CNTN3: variants seen among roughly 807,000 people sequenced by gnomAD.
The protein encoded by CNTN3 is contactin 3.
A neutral mutation model predicts 119.1 loss-of-function variants in CNTN3; 60 were observed. That is an observed-to-expected ratio of 0.50 (90% CI 0.41 to 0.62). CNTN3 has a LOEUF of 0.62. Ranked by LOEUF, CNTN3 falls within the 20% of genes least tolerant of loss-of-function variation. The pLI, the probability that CNTN3 is intolerant of heterozygous loss-of-function variation, is 0.00. For synonymous variants in CNTN3, 450 were observed against 438.7 expected (o/e 1.03, Z -0.32); for missense variants, 1,101 against 1,242.4 (o/e 0.89, Z 1.71).
chr3:74,486,467 A>C lies in CNTN3; in HGVS notation c.347T>G (p.Leu116Arg). 1 of 1,599,986 alleles carries C rather than the reference A, an allele frequency of 6.3e-7. No individual in the cohort carries two copies. The highest frequency in any genetic ancestry group is 8.5e-7 in the Non-Finnish European group (1 of 1,176,764). The change falls in exon 4 of 23, where the codon CTT becomes CGT. Residue 116 changes from leucine (L) to arginine (R), a missense_variant. Transcript: ENST00000263665. Reference protein sequence around the residue: ...LGTIVSREAKLQFAYLENFKT... With the variant: ...LGTIVSREAKRQFAYLENFKT... ...GAACATAAACTTACAGGCAAACTGA[A>C]GTTTGGCTTCTCTGCTGACAATTGT...
intron 4 of CNTN3, among the ~76,000 whole-genome samples, chr3:74,480,768 A>G (rs537778165): frequency 1.6e-4 from 24 of 152,114 alleles, no homozygotes; most frequent in African/African-American, 5.8e-4. Context: ...TTCAGCAAAA[A>G]TAGTATAGGG....
chr3:74,379,479 G>A (rs1387870928), intron 5 of CNTN3, among the ~76,000 whole-genome samples: 1 of 152,090 alleles, frequency 6.6e-6, no homozygotes, highest in African/African-American at 2.4e-5. Flanking sequence ...TGGTGCCACG[G>A]CTGCTGCTAT....
chr3:74,334,711 T>C (rs1703345823), intron 13 of CNTN3, 24 bp downstream of exon 13: 4 of 1,603,160 alleles, frequency 2.5e-6, no homozygotes, highest in East Asian at 2.2e-5. Context: ...ATATAAAAAG[T>C]ATGAGGAAAG....
intron 2 of CNTN3, among the ~76,000 whole-genome samples, chr3:74,516,944 C>G (rs1703460586): frequency 6.6e-6 from 1 of 151,898 alleles, no homozygotes; most frequent in South Asian, 2.1e-4. Flanking sequence ...AACCTCTGGC[C>G]TATAGACCTC....
At chr3:74,557,963 G>T (rs962710794) in intron 1 of CNTN3, among the ~76,000 whole-genome samples, 2 of 152,110 alleles carry the variant, frequency 1.3e-5, no homozygotes, top group Non-Finnish European at 2.9e-5. Context: ...ACAAGGGGTG[G>T]ACTGTAATAG....
At chr3:74,274,474 T>C (rs1237182523) in intron 20 of CNTN3, among the ~76,000 whole-genome samples, 44 of 152,116 alleles carry the variant, frequency 2.9e-4, no homozygotes, top group Admixed American at 6.5e-5. Context: ...GTTTACATCA[T>C]AGGACTCTAT....
At chr3:74,589,005 A>G (rs1350168132) in intron 1 of CNTN3, among the ~76,000 whole-genome samples, 1 of 151,980 alleles carries the variant, frequency 6.6e-6, no homozygotes, top group Non-Finnish European at 1.5e-5. Flanking sequence ...TAAAAACCCT[A>G]GAAGAAAACC....
intron 5 of CNTN3, among the ~76,000 whole-genome samples, chr3:74,419,031 A>C (rs1006617504): frequency 6.6e-6 from 1 of 151,610 alleles, no homozygotes; most frequent in African/African-American, 2.4e-5. Flanking sequence ...TCCTGAGTTC[A>C]GGCAATCCAC....
intron 4 of CNTN3, among the ~76,000 whole-genome samples, chr3:74,445,892 A>C (rs1702040863): frequency 6.6e-6 from 1 of 152,136 alleles, no homozygotes; most frequent in African/African-American, 2.4e-5. Flanking sequence ...GCCACGTAGG[A>C]CTTCACAGGT....
chr3:74,350,790 G>A (rs1179429726), intron 11 of CNTN3, among the ~76,000 whole-genome samples: 4 of 151,862 alleles, frequency 2.6e-5, no homozygotes, highest in African/African-American at 9.7e-5. Flanking sequence ...TGCAGATGGA[G>A]GTCATTATTG....
At chr3:74,510,009 T>G (rs1424036885) in intron 2 of CNTN3, among the ~76,000 whole-genome samples, 1 of 80,924 alleles carries the variant, frequency 1.2e-5, no homozygotes, top group Non-Finnish European at 2.9e-5. Flanking sequence ...TTAGCATACC[T>G]ATTTTATATA....
intron 11 of CNTN3, among the ~76,000 whole-genome samples, chr3:74,348,580 C>A (rs984267146): frequency 1.3e-5 from 2 of 152,042 alleles, no homozygotes; most frequent in African/African-American, 2.4e-5. Flanking sequence ...CTCACCCATG[C>A]GGAGAGACCA....
intron 1 of CNTN3, among the ~76,000 whole-genome samples, chr3:74,551,053 C>G (rs1165179238): frequency 6.6e-6 from 1 of 152,190 alleles, no homozygotes; most frequent in Non-Finnish European, 1.5e-5. Context: ...AAGTTGATTA[C>G]ATGAGACTCC....
intron 13 of CNTN3, among the ~76,000 whole-genome samples, chr3:74,307,663 G>C (rs1702592709): frequency 6.6e-6 from 1 of 152,010 alleles, no homozygotes; most frequent in African/African-American, 2.4e-5. Flanking sequence ...CAAGCAGAAA[G>C]ATCATCACTA....
rs759636817 is a variant in CNTN3 at position 74,301,427 on chromosome 3, G to C, written c.2066C>G (p.Pro689Arg). The change falls in exon 16 of 23, where the codon CCC becomes CGC. Residue 689 changes from proline to arginine, a missense_variant. Coordinates refer to ENST00000263665, the MANE Select transcript of CNTN3 (RefSeq NM_020872.3). ...CTCTTCAGTTCTTACTTTTTCTGAG[G>C]GTAAACTTGGTTCTCCACCTCCAAT... ...NKIGGGEPSL[P>R]SEKVRTEEAV... 20 of 1,613,752 alleles carry C rather than the reference G, an allele frequency of 1.2e-5. No individual in the cohort carries two copies. The highest frequency in any genetic ancestry group is 1.7e-4 in the Middle Eastern group (1 of 6,056).
At chr3:74,536,617 C>T (rs1703769059) in intron 1 of CNTN3, among the ~76,000 whole-genome samples, 1 of 152,064 alleles carries the variant, frequency 6.6e-6, no homozygotes, top group South Asian at 2.1e-4. Flanking sequence ...AAATATGCTC[C>T]TGGAATGAAC....
At chr3:74,532,952 A>G (rs1185079349) in intron 1 of CNTN3, among the ~76,000 whole-genome samples, 1 of 152,032 alleles carries the variant, frequency 6.6e-6, no homozygotes, top group African/African-American at 2.4e-5. Flanking sequence ...AAAATCACAT[A>G]AGCAAAGTCA....
At chr3:74,358,796 T>C (rs1488342019) in intron 11 of CNTN3, among the ~76,000 whole-genome samples, 10 of 123,658 alleles carry the variant, frequency 8.1e-5, no homozygotes, top group African/African-American at 3.1e-4. Context: ...GAGTGTGATA[T>C]TCCCCTTTCT....
chr3:74,421,412 T>C (rs1221680359), intron 5 of CNTN3, among the ~76,000 whole-genome samples: 2 of 152,092 alleles, frequency 1.3e-5, no homozygotes, highest in African/African-American at 4.8e-5. Flanking sequence ...TCAAGCAATC[T>C]GCCTGCCTCG....
Sources: gnomAD v4.1 joint callset for allele counts (sites outside exome capture counted in the v4.1 genomes callset) on GRCh38, gnomAD v4.1.1 for gene constraint, MANE v1.5 for transcripts, NCBI Gene and HGNC (gene_info 2026-07-23, HGNC 2026-07-21) for gene names.